FAM210A: variants seen among roughly 807,000 people sequenced by gnomAD.
FAM210A encodes the protein family with sequence similarity 210 member A.
Under a neutral mutation model 25.3 loss-of-function variants are expected in FAM210A, and 13 were observed. The observed-to-expected ratio is 0.51, with a 90% CI of 0.33 to 0.82. FAM210A has a LOEUF of 0.82. Ranked by LOEUF, FAM210A falls within the 40% of genes least tolerant of loss-of-function variation. FAM210A has a pLI of 0.02. For missense variants in FAM210A, 319 were observed against 323.2 expected (o/e 0.99, Z 0.10); for synonymous variants, 125 against 118.7 (o/e 1.05, Z -0.35).
intron 1 of FAM210A, chr18:13,715,267 A>G (rs1195243299): frequency 1.3e-5 from 2 of 152,114 alleles, no homozygotes; most frequent in African/African-American, 4.8e-5. Context: ...CACCATATTG[A>G]TACCGAACTT....
At chr18:13,694,076 C>T (rs2043672500) in intron 1 of FAM210A, among the ~76,000 whole-genome samples, 1 of 152,162 alleles carries the variant, frequency 6.6e-6, no homozygotes, top group South Asian at 2.1e-4. Flanking sequence ...TCCTATACAC[C>T]AATAACAGAC....
chr18:13,672,556 G>A (rs559521076), intron 2 of FAM210A, among the ~76,000 whole-genome samples: 5 of 151,998 alleles, frequency 3.3e-5, no homozygotes, highest in Non-Finnish European at 5.9e-5. Context: ...TTACAGACAC[G>A]CAACCACCAC....
At chr18:13,713,595 C>T (rs930271014) in intron 1 of FAM210A, among the ~76,000 whole-genome samples, 3 of 152,150 alleles carry the variant, frequency 2.0e-5, no homozygotes, top group Admixed American at 6.5e-5. Context: ...GACCATCAAA[C>T]GATGTCTGAG....
At chr18:13,696,807 A>T (rs1453097772) in intron 1 of FAM210A, among the ~76,000 whole-genome samples, 1 of 152,238 alleles carries the variant, frequency 6.6e-6, no homozygotes, top group Non-Finnish European at 1.5e-5. Flanking sequence ...ATAAATTTTT[A>T]AAAATAAACT....
At position 13,681,848 on chromosome 18, in the gene FAM210A, T is replaced by C. The variant is rs373346025; in HGVS notation, c.230A>G (p.Gln77Arg). 6.2e-7 allele frequency: 1 copy of C among 1,614,068 alleles called. No homozygotes were observed. Among genetic ancestry groups the C allele is most frequent in the Non-Finnish European group, 8.5e-7 (1 of 1,180,036 alleles). Residue 77 changes from glutamine (Q) to arginine (R), a missense_variant, in exon 2 of 4, where the codon CAA (glutamine) becomes CGA (arginine). Physicochemically the swap from Gln to Arg is conservative, Grantham distance 43 (BLOSUM62 1). Transcript: ENST00000651643. ...ERRPLDAHPP[Q>R]PGVLRHKQGK... ...TTGCTTATGGCGAAGGACTCCTGGT[T>C]GGGGTGGATGAGCATCCAATGGCCT...
At chr18:13,726,270 G>T (rs1033188222) in intron 1 of FAM210A, 59 bp downstream of exon 1, 1 of 152,542 alleles carries the variant, frequency 6.6e-6, no homozygotes, top group East Asian at 1.9e-4. Context: ...ACACGCCCAG[G>T]GTTGAAGGTG....
chr18:13,716,953 T>C (rs2043866042), intron 1 of FAM210A, among the ~76,000 whole-genome samples: 1 of 152,218 alleles, frequency 6.6e-6, no homozygotes, highest in African/African-American at 2.4e-5. Context: ...AAAGCTGACA[T>C]GGACAAGGCA....
chr18:13,681,611 G>A lies in FAM210A; in HGVS notation c.467C>T (p.Ala156Val). ...GVWFGTFYYAALKGVNVVPFL... is the reference protein window; with the variant it reads ...GVWFGTFYYAVLKGVNVVPFL... ...CAACTAAGCAAAAACTTACTTCAAG[G>A]CTGCATAATAAAATGTTCCAAACCA... The change falls in exon 2 of 4, where the codon GCC becomes GTC. Residue 156 changes from alanine to valine, a missense_variant. Physicochemically the swap from Ala to Val is moderately conservative, Grantham distance 64. Transcript: ENST00000651643. 2 of 1,596,918 alleles carry A rather than the reference G, an allele frequency of 1.3e-6. No homozygotes were observed. Among genetic ancestry groups the A allele is most frequent in the Non-Finnish European group, 1.7e-6 (2 of 1,172,826 alleles).
chr18:13,711,980 A>G (rs2043825363), intron 1 of FAM210A, among the ~76,000 whole-genome samples: 1 of 152,208 alleles, frequency 6.6e-6, no homozygotes, highest in African/African-American at 2.4e-5. Context: ...AAGTCTCCTA[A>G]AATCGGTACT....
At chr18:13,711,791 T>C (rs1335328057) in intron 1 of FAM210A, among the ~76,000 whole-genome samples, 1 of 152,226 alleles carries the variant, frequency 6.6e-6, no homozygotes, top group Non-Finnish European at 1.5e-5. Context: ...AGCATCCACC[T>C]GGATTGCTCA....
intron 1 of FAM210A, among the ~76,000 whole-genome samples, chr18:13,689,445 C>T (rs946170432): frequency 2.6e-5 from 4 of 152,212 alleles, no homozygotes; most frequent in Non-Finnish European, 4.4e-5. Context: ...CTATTCCCAA[C>T]ACCTATTCAT....
rs1646118050 is a variant in FAM210A at position 13,723,859 on chromosome 18, C to T, written c.-29+2470G>A. Among the ~76,000 whole-genome samples the T allele has an allele frequency of 2.6e-5, 4 of 152,324 alleles. No homozygotes were observed. The South Asian group carries it at 8.3e-4, about 32-fold the overall frequency. ...TTGTTCCAGAAAGACAATGAAATTT[C>T]AGTAGGAACACTTTCCTGAGTGGAA... On this transcript the variant is annotated intron_variant, in intron 1 of 3. Transcript: ENST00000651643.
At chr18:13,674,762 A>AGGCTT (rs2043476306) in intron 2 of FAM210A, among the ~76,000 whole-genome samples, 2 of 11,558 alleles carry the variant, frequency 1.7e-4, no homozygotes, top group Non-Finnish European at 1.9e-4. Flanking sequence ...CTGAGCCCCG[A>AGGCTT]CTTTATTTCC....
At chr18:13,673,785 C>T in intron 2 of FAM210A, among the ~76,000 whole-genome samples, 1 of 139,538 alleles carries the variant, frequency 7.2e-6, no homozygotes, top group Non-Finnish European at 1.5e-5. Context: ...ACTTCATTTC[C>T]AGTTTCCTGA....
intron 1 of FAM210A, among the ~76,000 whole-genome samples, chr18:13,726,104 C>T (rs569429462): frequency 5.5e-4 from 84 of 152,340 alleles, no homozygotes; most frequent in Non-Finnish European, 9.4e-4. Flanking sequence ...AGGACACTGG[C>T]TCGACCCGGA....
chr18:13,683,024 C>T (rs1273395846), intron 1 of FAM210A, among the ~76,000 whole-genome samples: 4 of 152,116 alleles, frequency 2.6e-5, no homozygotes, highest in Non-Finnish European at 5.9e-5. Context: ...GATCTGGGTT[C>T]TGATGCTTTG....
intron 1 of FAM210A, among the ~76,000 whole-genome samples, chr18:13,718,726 T>G (rs942213537): frequency 1.3e-5 from 2 of 152,172 alleles, no homozygotes; most frequent in African/African-American, 4.8e-5. Flanking sequence ...TGCTTAGCAA[T>G]AGGAATTTAC....
At chr18:13,723,707 T>G (rs2043913700) in intron 1 of FAM210A, among the ~76,000 whole-genome samples, 1 of 152,238 alleles carries the variant, frequency 6.6e-6, no homozygotes, top group African/African-American at 2.4e-5. Context: ...AACTAGTATC[T>G]GATTAAATAA....
chr18:13,677,411 C>T (rs1482273964), intron 2 of FAM210A, among the ~76,000 whole-genome samples: 8 of 152,210 alleles, frequency 5.3e-5, no homozygotes, highest in East Asian at 3.9e-4. Context: ...TAAGGGGGTC[C>T]GCGTGAGAGG....
Sources: allele counts gnomAD v4.1 joint callset (sites outside exome capture counted in the v4.1 genomes callset), GRCh38; gene constraint gnomAD v4.1.1; transcripts MANE v1.5; gene names NCBI Gene and HGNC (gene_info 2026-07-23, HGNC 2026-07-21).